The following KCNQ1 variants were observed in gnomAD, a reference collection of about 807,000 sequenced individuals.
KCNQ1 encodes potassium voltage-gated channel subfamily KQT member 1.
A neutral mutation model predicts 72.4 loss-of-function variants in KCNQ1; 49 were observed. The observed-to-expected ratio is 0.68, with a 90% confidence interval of 0.54 to 0.86. The LOEUF is 0.86. Among genes scored for constraint, KCNQ1 ranks in the 40% least tolerant of loss-of-function variants. The pLI is 0.00. For synonymous variants in KCNQ1, 450 were observed against 412.6 expected, an observed-to-expected ratio of 1.09 and a Z score of -1.10; for missense variants, 790 against 945.1, an observed-to-expected ratio of 0.84 and a Z score of 2.15.
At chr11:2,728,013 C>T (rs1017809776) in intron 11 of KCNQ1, among the ~76,000 whole-genome samples, 14 of 152,150 alleles carry the variant, frequency 9.2e-5, no homozygotes, top group Admixed American at 2.0e-4. Context: ...TGACCGCTCC[C>T]GCTCACCTCC....
intron 11 of KCNQ1, chr11:2,675,657 C>T: frequency 5.0e-6 from 2 of 398,660 alleles, no homozygotes; most frequent in Non-Finnish European, 4.4e-6. Context: ...CTCTAGGAGC[C>T]CGCCCAGGGC....
rs1848823923 is a variant in KCNQ1, at chr11:2,602,660, C to T, written c.1393+13806C>T. Among the ~76,000 whole-genome samples the T allele has an allele frequency of 6.6e-6, 1 of 152,164 alleles. No homozygotes were observed. Among genetic ancestry groups the T allele is most frequent in the Non-Finnish European group, 1.5e-5 (1 of 68,020 alleles). ...GAGATCTCATTGTGGTTTACATTTA[C>T]ATTTCCTCATTAGGATGATACTGAA... On this transcript the variant is annotated intron_variant, in intron 10 of 15. Coordinates refer to ENST00000155840, the MANE Select transcript of KCNQ1 (RefSeq NM_000218.3). The surrounding 1 kb of genome is among the most constrained non-coding windows in gnomAD (Gnocchi z 4.8).
At position 2,704,085 on chromosome 11, in the gene KCNQ1, C is replaced by T. The variant is rs2283195; in HGVS notation, c.1514+42004C>T. ...CAGTTGGCAGTCTGTGGCCCCTCCT[C>T]GGTCCCCTTCAGTGAGGCTTTTTGC... On this transcript the variant is annotated intron_variant, in intron 11 of 15. Transcript: ENST00000155840. This position sits in a 1 kb window ranked among gnomAD's most constrained non-coding sequence, Gnocchi z 4.3. Among the ~76,000 whole-genome samples the T allele has an allele frequency of 0.026, 3,896 of 152,338 alleles. 109 individuals are homozygous for T. The highest frequency in any genetic ancestry group is 0.089 in the East Asian group (458 of 5,174).
intron 11 of KCNQ1, chr11:2,666,724 C>G: frequency 2.5e-6 from 1 of 398,792 alleles, no homozygotes; most frequent in Non-Finnish European, 4.4e-6. Flanking sequence ...TGACCTACTC[C>G]CACAGACCCC....
intron 1 of KCNQ1, among the ~76,000 whole-genome samples, chr11:2,522,292 C>T (rs1350370317): frequency 1.3e-5 from 2 of 152,024 alleles, no homozygotes; most frequent in African/African-American, 4.8e-5. Flanking sequence ...GGTGTCTTCT[C>T]TCCCCCACCC....
chr11:2,609,150 T>C lies in KCNQ1; in HGVS notation c.1393+20296T>C, dbSNP rs879543958. On this transcript the variant is annotated intron_variant, in intron 10 of 15. Coordinates refer to ENST00000155840, the MANE Select transcript of KCNQ1 (RefSeq NM_000218.3). ...TGATTTGAAGCCTTATTTTTTGATA[T>C]AGGCATTCATAGCTATAAAATTCCA... 116 of 398,216 alleles carry C rather than the reference T, an allele frequency of 2.9e-4. 1 individual carries two copies. The highest frequency in any genetic ancestry group is 2.0e-4 in the Non-Finnish European group (46 of 225,940). The allele number at this position is 398,216 out of a possible 1,614,324, so 24.7% of individuals were successfully genotyped here. A position where few individuals can be genotyped will look rare whatever the true frequency, so the allele number is the denominator to read the frequency against.
Position 2,509,683 on chromosome 11 carries a change from C to G in KCNQ1, c.387-18245C>G, listed in dbSNP as rs1268918366. Among the ~76,000 whole-genome samples the G allele has an allele frequency of 6.6e-6, 1 of 152,166 alleles. No individual in the cohort carries two copies. The highest frequency in any genetic ancestry group is 1.5e-5 in the Non-Finnish European group (1 of 68,042). Reference sequence around the variant, plus strand: ...CCACGTCCCTTTCCTCTGCTTTGTTCCTCCTCAGCTGTGAACTGTCTGGGA... The same window carrying G: ...CCACGTCCCTTTCCTCTGCTTTGTTGCTCCTCAGCTGTGAACTGTCTGGGA... On this transcript the variant is annotated intron_variant, in intron 1 of 15. Transcript: ENST00000155840. This position sits in a 1 kb window ranked among gnomAD's most constrained non-coding sequence, Gnocchi z 6.3.
chr11:2,615,669 TGTG>T (rs1849048874), intron 10 of KCNQ1: 1 of 397,986 alleles, frequency 2.5e-6, no homozygotes. Flanking sequence ...ATTGTATTAA[TGTG>T]GTGTATTACA....
rs1848891966 is a variant in KCNQ1 at position 2,606,995 on chromosome 11, CA to C, written c.1393+18142del. On this transcript the variant is annotated intron_variant, in intron 10 of 15. Transcript: ENST00000155840. ...ACGGCTCACTGCAAGCTCCACCTCC[CA>C]GGTTCACGCCATTCTTCTGCCTCAG... Among the ~76,000 whole-genome samples the C allele has an allele frequency of 2.0e-5, 3 of 149,904 alleles. No individual in the cohort carries two copies. In the East Asian group the frequency reaches 6.0e-4, roughly 30 times the overall value.
intron 11 of KCNQ1, among the ~76,000 whole-genome samples, chr11:2,727,923 G>A (rs372203869): frequency 5.7e-4 from 87 of 152,098 alleles, no homozygotes; most frequent in Admixed American, 1.2e-3. Context: ...GATGGCCCCC[G>A]GGGCCGCGCT....
rs942832716 is a variant in KCNQ1, at chr11:2,687,758, G to A, written c.1514+25677G>A. On this transcript the variant is annotated intron_variant, in intron 11 of 15. Coordinates refer to ENST00000155840, the MANE Select transcript of KCNQ1 (RefSeq NM_000218.3). The surrounding 1 kb of genome is among the most constrained non-coding windows in gnomAD (Gnocchi z 5.0). ...CAAATCATGGGGAGACTGAGAAGAG[G>A]AGCCCCTTAGCAGGCCTAACCACAC... The A allele has an allele frequency of 1.0e-5, 4 of 398,582 alleles. No individual in the cohort carries two copies. The highest frequency in any genetic ancestry group is 4.1e-5 in the African/African-American group (2 of 48,630). The allele number at this position is 398,582 out of a possible 1,614,324, so 24.7% of individuals were successfully genotyped here.
chr11:2,555,471 G>T (rs921432600), intron 2 of KCNQ1, among the ~76,000 whole-genome samples: 3 of 152,224 alleles, frequency 2.0e-5, no homozygotes, highest in Non-Finnish European at 4.4e-5. Flanking sequence ...CTTTAAATAC[G>T]TGTAAAGCTG....
In KCNQ1 at chr11:2,603,970, C is replaced by T. The variant is rs554908406; in HGVS notation, c.1393+15116C>T. 4.2e-4 allele frequency among the ~76,000 whole-genome samples: 64 copies of T among 152,198 alleles called. No homozygotes were observed. Among genetic ancestry groups the T allele is most frequent in the African/African-American group, 1.4e-3 (57 of 41,540 alleles). ...CCTCCTAACCTGCTGGGACCACAGG[C>T]GTGAGCCACTGCACCCGGCCCTTGT... On this transcript the variant is annotated intron_variant, in intron 10 of 15. Transcript: ENST00000155840. This position sits in a 1 kb window ranked among gnomAD's most constrained non-coding sequence, Gnocchi z 4.1.
intron 15 of KCNQ1, among the ~76,000 whole-genome samples, chr11:2,793,038 C>T (rs1434938222): frequency 6.6e-6 from 1 of 152,224 alleles, no homozygotes; most frequent in Non-Finnish European, 1.5e-5. Flanking sequence ...CAAAGGGATG[C>T]TTGTCCAGCA....
At chr11:2,692,141 C>T in intron 11 of KCNQ1, 1 of 398,726 alleles carries the variant, frequency 2.5e-6, no homozygotes, top group Non-Finnish European at 4.4e-6. Flanking sequence ...CTGAAGGCCC[C>T]TGTCCTTTCA....
chr11:2,688,965 G>A (rs1850543748), intron 11 of KCNQ1: 1 of 398,846 alleles, frequency 2.5e-6, no homozygotes, highest in Non-Finnish European at 4.4e-6. Flanking sequence ...GGCTCTGAGA[G>A]TAGGGGTCTG....
At position 2,647,226 on chromosome 11, in the gene KCNQ1, G is replaced by A. The variant is rs76371154; in HGVS notation, c.1394-14735G>A. On this transcript the variant is annotated intron_variant, in intron 10 of 15. Coordinates refer to ENST00000155840, the MANE Select transcript of KCNQ1 (RefSeq NM_000218.3). This position sits in a 1 kb window ranked among gnomAD's most constrained non-coding sequence, Gnocchi z 4.0. ...CAGATGCTTTTTCTGCATCTATTGA[G>A]ATGATCATGTATTTTTTTGTCCTTC... 0.012 allele frequency: 4,763 copies of A among 398,408 alleles called. 58 individuals carry two copies. Among genetic ancestry groups the A allele is most frequent in the Non-Finnish European group, 0.016 (3,631 of 226,010 alleles). 24.7% of individuals were successfully genotyped at this position (398,408 alleles called of 1,614,324 possible). A position where few individuals can be genotyped will look rare whatever the true frequency, so the allele number is the denominator to read the frequency against.
intron 15 of KCNQ1, among the ~76,000 whole-genome samples, chr11:2,819,233 A>G (rs1046523321): frequency 5.9e-5 from 9 of 152,244 alleles, no homozygotes; most frequent in Non-Finnish European, 1.3e-4. Flanking sequence ...AGGACAGACA[A>G]TGACAGAGCA....
At chr11:2,503,548 G>A (rs1306974646) in intron 1 of KCNQ1, among the ~76,000 whole-genome samples, 2 of 149,810 alleles carry the variant, frequency 1.3e-5, no homozygotes, top group Admixed American at 1.3e-4. Flanking sequence ...GTGGGGTTGG[G>A]GGGAGGGGGG....
Sources: allele counts gnomAD v4.1 joint callset (sites outside exome capture counted in the v4.1 genomes callset), GRCh38; gene constraint gnomAD v4.1.1; non-coding constraint Gnocchi (gnomAD v3.1); transcripts MANE v1.5; gene names NCBI Gene and HGNC (gene_info 2026-07-23, HGNC 2026-07-21).